Variants in BCKDHB observed in about 807,000 individuals in gnomAD.
BCKDHB encodes the protein branched chain keto acid dehydrogenase E1 subunit beta, also known as 2-oxoisovalerate dehydrogenase subunit beta, mitochondrial.
In BCKDHB, 41 loss-of-function variants were observed where a neutral mutation model predicts 48.5. That is an observed-to-expected ratio of 0.85 (90% CI 0.66 to 1.10). The LOEUF (loss-of-function observed/expected upper bound fraction) is 1.10, where lower values mean the gene tolerates loss of function less well. BCKDHB is among the 50% of genes least tolerant of loss of function. The pLI is 0.00. For missense variants in BCKDHB, 496 were observed against 494.2 expected (o/e 1.00, Z -0.03); for synonymous variants, 201 against 174.8 (o/e 1.15, Z -1.18).
At chr6:80,126,946 T>G (rs1203896409) in intron 1 of BCKDHB, among the ~76,000 whole-genome samples, 2 of 152,186 alleles carry the variant, frequency 1.3e-5, no homozygotes, top group Non-Finnish European at 2.9e-5. Context: ...CTGCTTCATT[T>G]ATTCCTCCTA....
At chr6:80,354,959 T>C in the BCKDHB span, among the ~76,000 whole-genome samples, 1 of 152,224 alleles carries the variant, frequency 6.6e-6, no homozygotes, top group Admixed American at 6.5e-5. Flanking sequence ...TTTGTTCTTT[T>C]GCTTAGGACT....
At chr6:80,174,636 A>G (rs1773068582) in intron 6 of BCKDHB, among the ~76,000 whole-genome samples, 1 of 152,242 alleles carries the variant, frequency 6.6e-6, no homozygotes, top group African/African-American at 2.4e-5. Flanking sequence ...ATAGTCAAGT[A>G]TAAGTAAGGA....
At chr6:80,140,875 A>T (rs1480783263) in intron 3 of BCKDHB, among the ~76,000 whole-genome samples, 1 of 152,132 alleles carries the variant, frequency 6.6e-6, no homozygotes, top group Non-Finnish European at 1.5e-5. Flanking sequence ...TTTCAGAAGG[A>T]ATGGTACCAG....
At chr6:80,312,268 A>G (rs1003672615) in intron 9 of BCKDHB, among the ~76,000 whole-genome samples, 7 of 152,196 alleles carry the variant, frequency 4.6e-5, no homozygotes, top group Non-Finnish European at 1.0e-4. Flanking sequence ...ATTTTTGGGC[A>G]TTGATTCTGT....
At chr6:80,301,982 C>A (rs1767607909) in intron 9 of BCKDHB, among the ~76,000 whole-genome samples, 1 of 152,062 alleles carries the variant, frequency 6.6e-6, no homozygotes. Context: ...ATAGGCTAGG[C>A]ATTGAAGGAA....
chr6:80,206,579 A>G (rs566069474), intron 8 of BCKDHB, among the ~76,000 whole-genome samples: 1 of 151,526 alleles, frequency 6.6e-6, no homozygotes, highest in East Asian at 1.9e-4. Context: ...ACATGTATGT[A>G]TATGGATCAA....
the BCKDHB span, among the ~76,000 whole-genome samples, chr6:80,415,722 C>A: frequency 1.5e-3 from 230 of 152,074 alleles, 1 homozygote; most frequent in African/African-American, 4.8e-3. Context: ...GGGTATTGGC[C>A]TGAACGTTTC....
At chr6:80,400,712 G>A in the BCKDHB span, among the ~76,000 whole-genome samples, 1 of 151,778 alleles carries the variant, frequency 6.6e-6, no homozygotes, top group Non-Finnish European at 1.5e-5. Context: ...CCTATAACTG[G>A]GTACATATCC....
intron 3 of BCKDHB, 50 bp from the exon 4 acceptor site, chr6:80,167,628 G>T: frequency 6.6e-7 from 1 of 1,516,294 alleles, no homozygotes; most frequent in South Asian, 1.1e-5. Flanking sequence ...TATTATGCAT[G>T]ACATTACTCT....
intron 9 of BCKDHB, chr6:80,307,853 T>C: frequency 1.0e-6 from 1 of 982,162 alleles, no homozygotes; most frequent in Non-Finnish European, 1.2e-6. Flanking sequence ...TTGGACTACT[T>C]AACACTGCAA....
rs187444336 is a variant in BCKDHB at position 80,120,203 on chromosome 6, A to G, written c.197-7344A>G. ...AAAGGACATGAACTCATCATTTTGT[A>G]TGGCTGCATAGTATTCCATGGTGTA... On this transcript the variant is annotated intron_variant, in intron 1 of 9. Coordinates refer to ENST00000320393, the MANE Select transcript of BCKDHB (RefSeq NM_183050.4). Among the ~76,000 whole-genome samples, 8 of 152,262 alleles carry G rather than the reference A, an allele frequency of 5.3e-5. No homozygotes were observed. In the East Asian group the frequency reaches 1.5e-3, roughly 29 times the overall value.
At chr6:80,168,483 CAAG>C (rs1384109767) in intron 4 of BCKDHB, among the ~76,000 whole-genome samples, 4 of 88,962 alleles carry the variant, frequency 4.5e-5, no homozygotes, top group Non-Finnish European at 8.5e-5. Flanking sequence ...GATCCTGTCT[CAAG>C]AAAGAAAGGA....
chr6:80,395,762 A>G, the BCKDHB span, among the ~76,000 whole-genome samples: 1 of 152,136 alleles, frequency 6.6e-6, no homozygotes. Flanking sequence ...CTCTCATCAC[A>G]TGCCTAGAGG....
the BCKDHB span, among the ~76,000 whole-genome samples, chr6:80,391,673 G>T: frequency 1.3e-5 from 2 of 152,102 alleles, no homozygotes; most frequent in African/African-American, 2.4e-5. Flanking sequence ...ATGGTAATTT[G>T]TTACAGCATT....
chr6:80,317,121 C>T (rs1420860238), intron 9 of BCKDHB, among the ~76,000 whole-genome samples: 1 of 152,194 alleles, frequency 6.6e-6, no homozygotes, highest in Non-Finnish European at 1.5e-5. Flanking sequence ...TTCTGATACA[C>T]ACTTAGGGCC....
chr6:80,353,443 T>C, the BCKDHB span, among the ~76,000 whole-genome samples: 31,221 of 152,160 alleles, frequency 0.21, 3,716 homozygotes, highest in South Asian at 0.37. Context: ...TTTTAATTCT[T>C]TGAGAAATTT....
the BCKDHB span, among the ~76,000 whole-genome samples, chr6:80,431,745 A>G: frequency 6.6e-6 from 1 of 152,344 alleles, no homozygotes; most frequent in South Asian, 2.1e-4. Flanking sequence ...TCTTGAATAC[A>G]GCACACTGAT....
chr6:80,236,711 A>G (rs1776161783), intron 8 of BCKDHB, among the ~76,000 whole-genome samples: 1 of 152,222 alleles, frequency 6.6e-6, no homozygotes, highest in South Asian at 2.1e-4. Flanking sequence ...AGGCAGTCCA[A>G]TTCCAGAGTC....
chr6:80,387,506 A>G, the BCKDHB span, among the ~76,000 whole-genome samples: 4 of 152,232 alleles, frequency 2.6e-5, no homozygotes, highest in Non-Finnish European at 5.9e-5. Context: ...TGTGCAGAAG[A>G]CAGATGGATT....
Sources: allele counts gnomAD v4.1 joint callset (sites outside exome capture counted in the v4.1 genomes callset), GRCh38; gene constraint gnomAD v4.1.1; transcripts MANE v1.5; gene names NCBI Gene and HGNC (gene_info 2026-07-23, HGNC 2026-07-21).